LRRC4C: variants seen among roughly 807,000 people sequenced by gnomAD.
The protein encoded by LRRC4C is leucine-rich repeat-containing protein 4C.
In LRRC4C, 5 loss-of-function variants were observed where a neutral mutation model predicts 33.6. The observed-to-expected ratio is 0.15, with a 90% confidence interval of 0.08 to 0.31. The LOEUF (loss-of-function observed/expected upper bound fraction) is 0.31, where lower values mean the gene tolerates loss of function less well. LRRC4C is among the 10% of genes least tolerant of loss of function. The probability of loss-of-function intolerance (pLI) is 1.00; values close to 1 mark genes in which losing one functional copy is unlikely to be tolerated. For synonymous variants in LRRC4C, 329 were observed against 302.0 expected (o/e 1.09, Z -0.93); for missense variants, 560 against 796.7 (o/e 0.70, Z 3.58).
chr11:40,904,300 G>A (rs1956328242), intron 2 of LRRC4C, among the ~76,000 whole-genome samples: 1 of 151,796 alleles, frequency 6.6e-6, no homozygotes, highest in Admixed American at 6.6e-5. Context: ...CACATAGAAG[G>A]CTCCCAAACC....
At chr11:40,283,893 A>G (rs1943657239) in intron 4 of LRRC4C, among the ~76,000 whole-genome samples, 1 of 151,590 alleles carries the variant, frequency 6.6e-6, no homozygotes, top group African/African-American at 2.4e-5. Flanking sequence ...TAGTAGAGAC[A>G]GATTTCTCCA....
intron 5 of LRRC4C, among the ~76,000 whole-genome samples, chr11:40,223,916 G>C (rs924278528): frequency 9.2e-5 from 14 of 151,932 alleles, no homozygotes; most frequent in Non-Finnish European, 1.6e-4. Flanking sequence ...CAATAGTTTT[G>C]TTTCTACTGC....
At chr11:40,487,761 G>C (rs1404158538) in intron 3 of LRRC4C, among the ~76,000 whole-genome samples, 1 of 151,978 alleles carries the variant, frequency 6.6e-6, no homozygotes, top group Non-Finnish European at 1.5e-5. Flanking sequence ...TACAGATTTT[G>C]ATCTTGTTTA....
chr11:40,754,537 C>A (rs1456678235), intron 2 of LRRC4C, among the ~76,000 whole-genome samples: 2 of 151,988 alleles, frequency 1.3e-5, no homozygotes, highest in African/African-American at 4.8e-5. Context: ...CAGCCTAAGG[C>A]TAATCAGCCA....
At chr11:40,763,253 A>C (rs905889672) in intron 2 of LRRC4C, among the ~76,000 whole-genome samples, 1 of 152,002 alleles carries the variant, frequency 6.6e-6, no homozygotes. Flanking sequence ...TGCTGCTTAT[A>C]TTTAAATCCA....
At chr11:40,543,035 C>T (rs1033734930) in intron 3 of LRRC4C, among the ~76,000 whole-genome samples, 2 of 152,062 alleles carry the variant, frequency 1.3e-5, no homozygotes, top group South Asian at 4.1e-4. Context: ...CAGAGGAAAT[C>T]AGGCATATTA....
intron 5 of LRRC4C, among the ~76,000 whole-genome samples, chr11:40,176,187 T>A (rs888264115): frequency 6.6e-6 from 1 of 152,166 alleles, no homozygotes; most frequent in African/African-American, 2.4e-5. Context: ...ATTCACCTAG[T>A]TTCAAAGAGG....
intron 1 of LRRC4C, among the ~76,000 whole-genome samples, chr11:40,955,296 A>C (rs1433053745): frequency 1.3e-5 from 2 of 151,798 alleles, no homozygotes; most frequent in Non-Finnish European, 1.5e-5. Context: ...ATAAGGACAG[A>C]CTGGGACAAA....
chr11:41,253,505 G>A (rs1948707334), intron 1 of LRRC4C, among the ~76,000 whole-genome samples: 1 of 152,014 alleles, frequency 6.6e-6, no homozygotes, highest in African/African-American at 2.4e-5. Flanking sequence ...AGTCTAAGCT[G>A]CATTTCATTT....
intron 1 of LRRC4C, among the ~76,000 whole-genome samples, chr11:41,065,363 G>A (rs573008470): frequency 6.6e-6 from 1 of 152,288 alleles, no homozygotes; most frequent in South Asian, 2.1e-4. Context: ...TCCTCACTGG[G>A]TGAGGCATCT....
chr11:41,074,351 C>T (rs1314957140), intron 1 of LRRC4C, among the ~76,000 whole-genome samples: 1 of 152,142 alleles, frequency 6.6e-6, no homozygotes, highest in Non-Finnish European at 1.5e-5. Flanking sequence ...ATATTCCTTA[C>T]TCTATAATGA....
intron 2 of LRRC4C, among the ~76,000 whole-genome samples, chr11:40,708,187 G>C (rs924203934): frequency 6.6e-6 from 1 of 151,996 alleles, no homozygotes; most frequent in Non-Finnish European, 1.5e-5. Flanking sequence ...ATTTTTTGAA[G>C]GGTTTTTTTT....
At chr11:40,219,833 A>G (rs552944484) in intron 5 of LRRC4C, among the ~76,000 whole-genome samples, 6 of 152,296 alleles carry the variant, frequency 3.9e-5, no homozygotes, top group Non-Finnish European at 7.4e-5. Flanking sequence ...TGAGAACTAA[A>G]GGTAACAAAA....
intron 6 of LRRC4C, among the ~76,000 whole-genome samples, chr11:40,124,153 A>G (rs1391005998): frequency 6.6e-6 from 1 of 152,196 alleles, no homozygotes; most frequent in African/African-American, 2.4e-5. Flanking sequence ...AAGGGCTTTT[A>G]TCCAAAAACA....
At chr11:40,139,508 TTGTTTA>T (rs1374581025) in intron 6 of LRRC4C, among the ~76,000 whole-genome samples, 11 of 152,338 alleles carry the variant, frequency 7.2e-5, no homozygotes, top group African/African-American at 2.6e-4. Context: ...TTTTTTTTGT[TTGTTTA>T]TTTTATGGGA....
intron 4 of LRRC4C, among the ~76,000 whole-genome samples, chr11:40,259,671 C>A (rs1035483440): frequency 4.6e-5 from 7 of 152,130 alleles, no homozygotes; most frequent in Non-Finnish European, 1.0e-4. Flanking sequence ...AATAGGGAAC[C>A]CTTTCCCCAT....
At chr11:41,015,870 G>A (rs1327910025) in intron 1 of LRRC4C, among the ~76,000 whole-genome samples, 1 of 152,006 alleles carries the variant, frequency 6.6e-6, no homozygotes, top group Admixed American at 6.6e-5. Flanking sequence ...GCGTGGTGGC[G>A]GGAGCCTATA....
chr11:40,906,160 C>A (rs78715316), intron 2 of LRRC4C, among the ~76,000 whole-genome samples: 8,910 of 152,260 alleles, frequency 0.059, 383 homozygotes, highest in Admixed American at 0.15. Flanking sequence ...TCAATAAAGT[C>A]TTTGTAACTG....
intron 1 of LRRC4C, among the ~76,000 whole-genome samples, chr11:41,385,932 A>G (rs1953343596): frequency 6.6e-6 from 1 of 151,590 alleles, no homozygotes; most frequent in Admixed American, 6.6e-5. Context: ...TATGAAATCC[A>G]GCTTACCTAA....
Sources: gnomAD v4.1 joint callset for allele counts (sites outside exome capture counted in the v4.1 genomes callset) on GRCh38, gnomAD v4.1.1 for gene constraint, MANE v1.5 for transcripts, NCBI Gene and HGNC (gene_info 2026-07-23, HGNC 2026-07-21) for gene names.